The following SCML2 variants were observed in gnomAD, a reference collection of about 807,000 sequenced individuals.
SCML2 encodes the protein Scm polycomb group protein like 2, also known as sex comb on midleg-like protein 2.
A neutral mutation model predicts 48.4 loss-of-function variants in SCML2; 6 were observed. That is an observed-to-expected ratio of 0.12 (90% CI 0.07 to 0.24). The LOEUF is 0.24. Among genes scored for constraint, SCML2 ranks in the 10% least tolerant of loss-of-function variants. The probability of loss-of-function intolerance (pLI) is 1.00; values close to 1 mark genes in which losing one functional copy is unlikely to be tolerated. For synonymous variants in SCML2, 181 were observed against 189.5 expected, an observed-to-expected ratio of 0.95 and a Z score of 0.37; for missense variants, 377 against 528.2, an observed-to-expected ratio of 0.71 and a Z score of 2.81.
intron 11 of SCML2, among the ~76,000 whole-genome samples, chrX:18,254,052 T>C (rs771683514): frequency 1.8e-5 from 2 of 112,114 alleles, no homozygotes; most frequent in East Asian, 5.6e-4. Flanking sequence ...GCAGTGCTTC[T>C]AGGGTACTAG....
At chrX:18,343,760 CAA>C (rs1196514399) in intron 1 of SCML2, among the ~76,000 whole-genome samples, 20 of 38,477 alleles carry the variant, frequency 5.2e-4, no homozygotes, top group African/African-American at 1.0e-3. Flanking sequence ...GACTCTGTCT[CAA>C]AAAAAAAAAA....
chrX:18,344,860 G>C (rs1248054464), intron 1 of SCML2, among the ~76,000 whole-genome samples: 5 of 110,951 alleles, frequency 4.5e-5, no homozygotes, highest in Non-Finnish European at 9.4e-5. Context: ...GATCCATGAG[G>C]GCAGGAGAAA....
At chrX:18,293,164 AG>A (rs1751747042) in intron 7 of SCML2, among the ~76,000 whole-genome samples, 1 of 112,166 alleles carries the variant, frequency 8.9e-6, no homozygotes, top group African/African-American at 3.2e-5. Context: ...AAAAATAATT[AG>A]AAAAATATTT....
At chrX:18,350,980 C>A in intron 1 of SCML2, among the ~76,000 whole-genome samples, 1 of 110,944 alleles carries the variant, frequency 9.0e-6, no homozygotes, top group Admixed American at 9.6e-5. Flanking sequence ...TTCAAAATTA[C>A]CAACACGGCC....
At chrX:18,325,103 T>A (rs1301801678) in intron 3 of SCML2, 126 bp from the exon 4 acceptor site, 2 of 382,287 alleles carry the variant, frequency 5.2e-6, no homozygotes, top group Non-Finnish European at 9.1e-6. Flanking sequence ...AAAAAAAACT[T>A]CCAAAAGAGT....
chrX:18,337,629 G>A (rs764638546), intron 1 of SCML2, among the ~76,000 whole-genome samples: 18 of 111,247 alleles, frequency 1.6e-4, no homozygotes, highest in Non-Finnish European at 2.6e-4. Flanking sequence ...GGCAGAAACC[G>A]ATAGAACTAA....
At chrX:18,335,437 C>T (rs1383864649) in intron 1 of SCML2, among the ~76,000 whole-genome samples, 1 of 111,201 alleles carries the variant, frequency 9.0e-6, no homozygotes. Flanking sequence ...CCGGGAAATC[C>T]AGGCTGCAGT....
At chrX:18,352,051 T>C (rs1358119856) in intron 1 of SCML2, among the ~76,000 whole-genome samples, 1 of 111,343 alleles carries the variant, frequency 9.0e-6, no homozygotes, top group African/African-American at 3.3e-5. Flanking sequence ...AGAGGGGTGA[T>C]AGGAAGCATC....
chrX:18,317,654 C>A (rs1045289174), intron 6 of SCML2, among the ~76,000 whole-genome samples: 2 of 109,551 alleles, frequency 1.8e-5, no homozygotes, highest in African/African-American at 6.6e-5. Context: ...AACACGGTGA[C>A]ACCCCGTCTC....
chrX:18,338,305 A>G (rs1602147322), intron 1 of SCML2, among the ~76,000 whole-genome samples: 1 of 109,828 alleles, frequency 9.1e-6, no homozygotes, highest in Admixed American at 9.8e-5. Flanking sequence ...TTAGCCGGGC[A>G]TGGTGGCACA....
Position 18,257,030 on chromosome X carries a change from G to C in SCML2, c.1274C>G (p.Ala425Gly). ...PDNRGGEVIT[A>G]SFDGETHSIQ... Reference sequence around the variant, plus strand: ...GGAATGAGTTTCCCCATCAAAGGAGGCTATTGGGGGAAAAAAAAGGATGTC... The same window carrying C: ...GGAATGAGTTTCCCCATCAAAGGAGCCTATTGGGGGAAAAAAAAGGATGTC... The change falls in exon 11 of 15, where the codon GCC becomes GGC. Residue 425 changes from alanine to glycine, a missense_variant and splice_region_variant. Coordinates refer to ENST00000251900, the MANE Select transcript of SCML2 (RefSeq NM_006089.3). 1 of 1,144,617 alleles carries C rather than the reference G, an allele frequency of 8.7e-7. No homozygotes were observed. Among genetic ancestry groups the C allele is most frequent in the African/African-American group, 1.8e-5 (1 of 54,899 alleles). 94.3% of individuals were successfully genotyped at this position (1,144,617 alleles called of 1,213,427 possible). A position where few individuals can be genotyped will look rare whatever the true frequency, so the allele number is the denominator to read the frequency against.
At position 18,305,334 on chromosome X, in the gene SCML2, T is replaced by C. The variant is rs1377529208; in HGVS notation, c.487-119A>G. ...CTTAGCAACCAAAAATTAAGCTCCATGTTTAATTATCAATTAATACAGGAA... is the reference window on the plus strand; with the variant it reads ...CTTAGCAACCAAAAATTAAGCTCCACGTTTAATTATCAATTAATACAGGAA... On this transcript the variant is annotated intron_variant, in intron 6 of 14. Coordinates refer to ENST00000251900, the MANE Select transcript of SCML2 (RefSeq NM_006089.3). 7 of 607,513 alleles carry C rather than the reference T, an allele frequency of 1.2e-5. No individual in the cohort carries two copies. In the East Asian group the frequency reaches 2.0e-4, roughly 18 times the overall value. 50.1% of individuals were successfully genotyped at this position (607,513 alleles called of 1,213,427 possible).
intron 1 of SCML2, among the ~76,000 whole-genome samples, chrX:18,350,060 C>T (rs1444071338): frequency 2.7e-5 from 3 of 111,205 alleles, no homozygotes; most frequent in East Asian, 5.7e-4. Flanking sequence ...GCCAGGAATT[C>T]GAGAACAGCC....
At chrX:18,242,296 C>A in intron 14 of SCML2, 143 bp downstream of exon 14, 1 of 595,472 alleles carries the variant, frequency 1.7e-6, no homozygotes, top group Non-Finnish European at 2.5e-6. Context: ...AGGAACTAAT[C>A]TTGGGAAAAA....
At chrX:18,288,741 A>C (rs955337599) in intron 7 of SCML2, among the ~76,000 whole-genome samples, 1 of 112,261 alleles carries the variant, frequency 8.9e-6, no homozygotes, top group South Asian at 3.7e-4. Context: ...TGCTGTTTTT[A>C]CCGTTAAGGT....
intron 11 of SCML2, among the ~76,000 whole-genome samples, chrX:18,256,061 T>C (rs1476898598): frequency 5.4e-5 from 6 of 112,052 alleles, no homozygotes; most frequent in Non-Finnish European, 1.1e-4. Flanking sequence ...AACCCACTTT[T>C]GGTTCTACAG....
At chrX:18,257,124 A>G in intron 10 of SCML2, 94 bp from the exon 11 acceptor site, 3 of 542,284 alleles carry the variant, frequency 5.5e-6, no homozygotes, top group South Asian at 6.6e-5. Context: ...GAAAGGTATT[A>G]TAAGTCTAAT....
Position 18,305,050 on chromosome X carries a change from T to G in SCML2, c.652A>C (p.Lys218Gln). The G allele has an allele frequency of 1.7e-6, 2 of 1,211,327 alleles. No individual in the cohort carries two copies. Among genetic ancestry groups the G allele is most frequent in the Non-Finnish European group, 2.2e-6 (2 of 895,204 alleles). Residue 218 changes from lysine to glutamine, a missense_variant, in exon 7 of 15, where the codon AAG (lysine) becomes CAG (glutamine). Coordinates refer to ENST00000251900, the MANE Select transcript of SCML2 (RefSeq NM_006089.3). ...GGGAAAATATCTCGAGAATCATACT[T>G]GCACCAGTAATCAAAAGCTCCACTC... Reference protein sequence around the residue: ...GWSGAFDYWCKYDSRDIFPAG... With the variant: ...GWSGAFDYWCQYDSRDIFPAG...
intron 6 of SCML2, among the ~76,000 whole-genome samples, chrX:18,314,613 A>G (rs760834903): frequency 8.9e-6 from 1 of 112,082 alleles, no homozygotes; most frequent in African/African-American, 3.2e-5. Flanking sequence ...ATCTTCCTGT[A>G]TTCTTTTATC....
Sources: allele counts gnomAD v4.1 joint callset (sites outside exome capture counted in the v4.1 genomes callset), GRCh38; gene constraint gnomAD v4.1.1; transcripts MANE v1.5; gene names NCBI Gene and HGNC (gene_info 2026-07-23, HGNC 2026-07-21).